The following IL2RB variants were observed in gnomAD, a reference collection of about 807,000 sequenced individuals.
The protein encoded by IL2RB is interleukin 2 receptor subunit beta.
In IL2RB, 17 loss-of-function variants were observed where a neutral mutation model predicts 44.2. That is an observed-to-expected ratio of 0.38 (90% CI 0.26 to 0.58). The LOEUF is 0.58. Among genes scored for constraint, IL2RB ranks in the 20% least tolerant of loss-of-function variants. The pLI is 0.63. For synonymous variants in IL2RB, 286 were observed against 297.9 expected, an observed-to-expected ratio of 0.96 and a Z score of 0.41; for missense variants, 624 against 685.5, an observed-to-expected ratio of 0.91 and a Z score of 1.00.
At chr22:37,153,828 T>C (rs1037365799), upstream of IL2RB, among the ~76,000 whole-genome samples, 3 of 152,048 alleles carry the variant, frequency 2.0e-5, no homozygotes, top group Admixed American at 6.6e-5. Flanking sequence ...AGCACACACA[T>C]ACAAAGAAAA....
At chr22:37,129,453 C>T (rs1309434955) in intron 9 of IL2RB, among the ~76,000 whole-genome samples, 1 of 147,358 alleles carries the variant, frequency 6.8e-6, no homozygotes, top group Non-Finnish European at 1.5e-5. Context: ...CTGCAGTCCC[C>T]ACCCCCACCC....
rs1400154325 is a variant in IL2RB at position 37,128,445 on chromosome 22, C to A, written c.1307G>T (p.Gly436Val). ...GGCAGTGCTTGGGGGGCTGGGGCCA[C>A]CGAGGAGACTGGGGGAGAAGAGCAG... ...DLLLFSPSLL[G>V]GPSPPSTAPG... The change falls in exon 10 of 10, where the codon GGT (glycine) becomes GTT (valine). Residue 436 changes from glycine to valine, a missense_variant. Gly to Val is a moderately radical substitution (Grantham distance 109). This residue lies in a region of IL2RB where 291 missense variants were observed against 275.5 expected (regional missense o/e 1.06). Transcript: ENST00000216223. This position sits in a 1 kb window ranked among gnomAD's most constrained non-coding sequence, Gnocchi z 4.5. 1.9e-6 allele frequency: 3 copies of A among 1,552,038 alleles called. No homozygotes were observed. The highest frequency in any genetic ancestry group is 2.6e-6 in the Non-Finnish European group (3 of 1,147,212).
rs756079100 is a variant in IL2RB, at chr22:37,164,616, G to GTT, written c.-34+10340_-34+10341dup. Among the ~76,000 whole-genome samples, 9 of 152,166 alleles carry GTT rather than the reference G, an allele frequency of 5.9e-5. No individual in the cohort carries two copies. In the South Asian group the frequency reaches 8.3e-4, roughly 14 times the overall value. On this transcript the variant is annotated intron_variant, in intron 1 of 5. Transcript: ENST00000429622. ...CCTCTCCCCACTGGGCCTTCTTCCT[G>GTT]TTTCTCTCTCGCTTGAAATCACCTC...
At chr22:37,131,976 T>C (rs228949) in intron 9 of IL2RB, among the ~76,000 whole-genome samples, 47,192 of 151,898 alleles carry the variant, frequency 0.31, 7,687 homozygotes, top group East Asian at 0.6. Context: ...CCTCGTGATC[T>C]ACCTGCCACA....
chr22:37,142,193 G>A (rs1050759918), intron 4 of IL2RB, among the ~76,000 whole-genome samples: 2 of 152,214 alleles, frequency 1.3e-5, no homozygotes, highest in African/African-American at 2.4e-5. Flanking sequence ...CAGGAGCAGA[G>A]GCAGAATGGC....
At chr22:37,169,968 T>C (rs992859916) in intron 1 of IL2RB, among the ~76,000 whole-genome samples, 1 of 151,740 alleles carries the variant, frequency 6.6e-6, no homozygotes, top group Non-Finnish European at 1.5e-5. Context: ...AATGGGTGAA[T>C]GGAAAATGGA....
chr22:37,148,494 A>G (rs1922337173), intron 1 of IL2RB, among the ~76,000 whole-genome samples: 2 of 152,120 alleles, frequency 1.3e-5, no homozygotes, highest in African/African-American at 2.4e-5. Flanking sequence ...ACGGATGCCT[A>G]CGTCCCCACC....
chr22:37,165,212 C>T (rs1397319974), intron 1 of IL2RB, among the ~76,000 whole-genome samples: 1 of 152,210 alleles, frequency 6.6e-6, no homozygotes, highest in Non-Finnish European at 1.5e-5. Flanking sequence ...GGCCATCTGG[C>T]TCCTAAGCAC....
chr22:37,143,996 C>A, intron 2 of IL2RB, 89 bp downstream of exon 2: 8 of 1,536,880 alleles, frequency 5.2e-6, no homozygotes, highest in Admixed American at 2.0e-5. Context: ...TGGTCTCTGG[C>A]CCCATCCCCT....
chr22:37,168,833 C>T (rs1342281357), intron 1 of IL2RB, among the ~76,000 whole-genome samples: 1 of 152,242 alleles, frequency 6.6e-6, no homozygotes, highest in Non-Finnish European at 1.5e-5. Context: ...AGCTCCATCT[C>T]CTTCCCTCCA....
chr22:37,161,333 T>C (rs1366155122), intron 1 of IL2RB, among the ~76,000 whole-genome samples: 2 of 152,190 alleles, frequency 1.3e-5, no homozygotes, highest in Non-Finnish European at 2.9e-5. Flanking sequence ...TCTTCTCAGG[T>C]GCTGTCCTGG....
chr22:37,174,718 T>C (rs1923396394), intron 1 of IL2RB, among the ~76,000 whole-genome samples: 1 of 152,150 alleles, frequency 6.6e-6, no homozygotes, highest in Admixed American at 6.5e-5. Flanking sequence ...ATCAATCTTT[T>C]CTCTTTTGCA....
Position 37,128,120 on chromosome 22 carries a change from A to G in IL2RB, c.1632T>C (p.Gly544=). The G allele has an allele frequency of 6.3e-7, 1 of 1,575,522 alleles. No homozygotes were observed. Among genetic ancestry groups the G allele is most frequent in the Admixed American group, 1.9e-5 (1 of 52,120 alleles). The change falls in exon 10 of 10, where the codon GGT becomes GGC. Residue 544 remains glycine, a synonymous_variant. Transcript: ENST00000216223. This position sits in a 1 kb window ranked among gnomAD's most constrained non-coding sequence, Gnocchi z 4.5. ...DAYLSLQELQ[G]QDPTHLV is the part of the protein sequence containing the mutation. ...TCTACACCAAGTGAGTTGGGTCCTG[A>G]CCCTGGAGTTCTTGGAGGGACAAGT...
intron 8 of IL2RB, among the ~76,000 whole-genome samples, chr22:37,134,081 C>A (rs188635462): frequency 1.1e-4 from 16 of 152,120 alleles, no homozygotes; most frequent in Non-Finnish European, 2.1e-4. Context: ...ACTCAGGATC[C>A]GTGGGTTCTG....
intron 1 of IL2RB, among the ~76,000 whole-genome samples, chr22:37,157,744 T>C (rs1302397874): frequency 2.0e-5 from 3 of 151,912 alleles, no homozygotes; most frequent in South Asian, 2.1e-4. Context: ...GTCAGAGCCT[T>C]GCTTATGAGT....
upstream of IL2RB, among the ~76,000 whole-genome samples, chr22:37,151,005 T>G (rs1368032094): frequency 6.6e-6 from 1 of 152,230 alleles, no homozygotes; most frequent in Admixed American, 6.5e-5. Context: ...TTCCAAATCC[T>G]GGGTATTGTG....
intron 4 of IL2RB, 49 bp from the exon 5 acceptor site, chr22:37,139,271 G>T: frequency 7.4e-7 from 1 of 1,355,154 alleles, no homozygotes. Context: ...CTTCAGGCAG[G>T]GGAAGGGGGA....
chr22:37,137,615 C>T lies in IL2RB; in HGVS notation c.509G>A (p.Arg170Gln), dbSNP rs749152355. Reference sequence around the variant, plus strand: ...CCAGGTGTGGCCTGGGGACAGCGTCCGGGCCTCGAACTCCAGGTGTCTTTC... The same window carrying T: ...CCAGGTGTGGCCTGGGGACAGCGTCTGGGCCTCGAACTCCAGGTGTCTTTC... ...YFERHLEFEA[R>Q]TLSPGHTWEE... Residue 170 changes from arginine (R) to glutamine (Q), a missense_variant, in exon 6 of 10, where the codon CGG becomes CAG. Transcript: ENST00000216223. The T allele has an allele frequency of 8.3e-5, 134 of 1,614,064 alleles. No individual in the cohort carries two copies. The highest frequency in any genetic ancestry group is 5.0e-5 in the Non-Finnish European group (59 of 1,180,034).
chr22:37,154,665 TC>T (rs988176394), upstream of IL2RB, among the ~76,000 whole-genome samples: 1 of 151,108 alleles, frequency 6.6e-6, no homozygotes, highest in Admixed American at 6.6e-5. Flanking sequence ...AAGCTCCGCC[TC>T]CCCGGTTCAA....
Sources: gnomAD v4.1 joint callset for allele counts (sites outside exome capture counted in the v4.1 genomes callset) on GRCh38, gnomAD v4.1.1 for gene constraint, gnomAD v4.1.1 regional missense constraint, Gnocchi (gnomAD v3.1) non-coding constraint, MANE v1.5 for transcripts, NCBI Gene and HGNC (gene_info 2026-07-23, HGNC 2026-07-21) for gene names.